The following BMS1 variants were observed in gnomAD, a reference collection of about 807,000 sequenced individuals.
BMS1 encodes the protein ribosome biogenesis protein BMS1 homolog.
In BMS1, 53 loss-of-function variants were observed where a neutral mutation model predicts 138.7. That is an observed-to-expected ratio of 0.38 (90% confidence interval 0.31 to 0.48). BMS1 has a LOEUF of 0.48. BMS1 is among the 20% of genes least tolerant of loss of function. The pLI is 0.97. For synonymous variants in BMS1, 504 were observed against 539.9 expected (o/e 0.93, Z 0.92); for missense variants, 1,360 against 1,565.5 (o/e 0.87, Z 2.22).
rs183696599 is a variant in BMS1 at position 42,795,699 on chromosome 10, A to G, written c.1230-775A>G. ...TTCAAATTTATGTTTTCTTAATTTT[A>G]TATATCTTGCTACATTAAATAGCTT... On this transcript the variant is annotated intron_variant, in intron 9 of 22. Transcript: ENST00000374518. Among the ~76,000 whole-genome samples, 233 of 152,236 alleles carry G rather than the reference A, an allele frequency of 1.5e-3. 4 individuals carry two copies. The highest frequency in any genetic ancestry group is 1.6e-3 in the Non-Finnish European group (106 of 68,004).
chr10:42,792,127 C>T (rs993701890), intron 6 of BMS1, among the ~76,000 whole-genome samples: 6 of 152,122 alleles, frequency 3.9e-5, no homozygotes, highest in African/African-American at 1.4e-4. Context: ...GTGGTTTTCT[C>T]AGCCTGGAAT....
At chr10:42,786,142 C>G (rs1841321433) in intron 3 of BMS1, among the ~76,000 whole-genome samples, 1 of 152,230 alleles carries the variant, frequency 6.6e-6, no homozygotes, top group Non-Finnish European at 1.5e-5. Context: ...AAGGGCCTAG[C>G]AGGCCTAGTC....
At chr10:42,791,028 CT>C (rs1485019439) in intron 5 of BMS1, among the ~76,000 whole-genome samples, 4 of 151,554 alleles carry the variant, frequency 2.6e-5, no homozygotes, top group Non-Finnish European at 4.4e-5. Context: ...CTGCTGAATT[CT>C]TTTGTGTGTG....
chr10:42,821,660 C>T, intron 18 of BMS1, among the ~76,000 whole-genome samples: 1 of 140,746 alleles, frequency 7.1e-6, no homozygotes, highest in East Asian at 2.3e-4. Context: ...TTAAGCGGTT[C>T]TCCTGCCTTA....
At chr10:42,785,399 G>A in intron 2 of BMS1, 83 bp from the exon 3 acceptor site, 1 of 1,281,156 alleles carries the variant, frequency 7.8e-7, no homozygotes, top group Non-Finnish European at 1.1e-6. Context: ...TACCAAAAAA[G>A]TCTACTTATA....
At chr10:42,784,037 T>A (rs867501144) in intron 1 of BMS1, among the ~76,000 whole-genome samples, 8 of 152,320 alleles carry the variant, frequency 5.3e-5, no homozygotes, top group African/African-American at 1.9e-4. Flanking sequence ...AGTAACCACA[T>A]GTGGCTAATG....
chr10:42,796,880 G>C lies in BMS1; in HGVS notation c.1636G>C (p.Gly546Arg). ...TTCAGGATCAAAGGCTGCTGGAGAA[G>C]GTAGTAAAGCAGGGCTGTCACCAGC... is the stretch of plus-strand genomic sequence containing the variant. ...GISGSKAAGE[G>R]SKAGLSPANC... Residue 546 changes from glycine to arginine, a missense_variant, in exon 10 of 23, where the codon GGT becomes CGT. Coordinates refer to ENST00000374518, the MANE Select transcript of BMS1 (RefSeq NM_014753.4). 6.2e-7 allele frequency: 1 copy of C among 1,614,198 alleles called. No individual in the cohort carries two copies.
Position 42,823,596 on chromosome 10 carries a change from C to T in BMS1, c.3281-13C>T, listed in dbSNP as rs753057803. ...CTTTTGAAAATGTTAAAGTAAATTA[C>T]CTCTCTTTTCAGATATTGTCTTCAT... On this transcript the variant is annotated splice_polypyrimidine_tract_variant and intron_variant, in intron 20 of 22. Coordinates refer to ENST00000374518, the MANE Select transcript of BMS1 (RefSeq NM_014753.4). The T allele has an allele frequency of 6.6e-7, 1 of 1,507,160 alleles. No homozygotes were observed. The highest frequency in any genetic ancestry group is 8.8e-7 in the Non-Finnish European group (1 of 1,135,842). 93.4% of individuals were successfully genotyped at this position (1,507,160 alleles called of 1,614,324 possible).
In BMS1 at chr10:42,802,218, G is replaced by A; in HGVS notation, c.2329G>A (p.Glu777Lys). The A allele has an allele frequency of 6.2e-7, 1 of 1,612,560 alleles. No individual in the cohort carries two copies. The highest frequency in any genetic ancestry group is 1.7e-5 in the Admixed American group (1 of 59,912). The change falls in exon 13 of 23, where the codon GAG (glutamate) becomes AAG (lysine). Residue 777 changes from glutamate to lysine, a missense_variant and splice_region_variant. Transcript: ENST00000374518. The part of the protein sequence containing the change: ...KDAAKVLAED[E>K]ELYGDFEDLE... ...TGCAGCCAAGGTCTTAGCAGAAGAT[G>A]GTAAGTAAAGAGCTGGGTTCTTCAG...
chr10:42,834,137 C>T lies in BMS1; in HGVS notation c.*3041C>T, dbSNP rs1318975301. ...ATAGGTGCTAGGTATGTTTTGAAAA[C>T]ATATTGAACCTACAGTGTACATATC... On this transcript the variant is annotated 3_prime_UTR_variant, in exon 23 of 23. Transcript: ENST00000374518. 3 of 152,276 alleles carry T rather than the reference C, an allele frequency of 2.0e-5. No individual in the cohort carries two copies. In the East Asian group the frequency reaches 5.8e-4, roughly 29 times the overall value. 9.4% of individuals were successfully genotyped at this position (152,276 alleles called of 1,614,324 possible). A position where few individuals can be genotyped will look rare whatever the true frequency, so the allele number is the denominator to read the frequency against.
In BMS1 at chr10:42,796,633, G is replaced by A. The variant is rs780881675; in HGVS notation, c.1389G>A (p.Glu463=). 1 of 1,614,166 alleles carries A rather than the reference G, an allele frequency of 6.2e-7. No homozygotes were observed. Among genetic ancestry groups the A allele is most frequent in the East Asian group, 2.2e-5 (1 of 44,888 alleles). ...DDGLENGSSD[E]EAEEEENAEM... is the part of the protein sequence containing the mutation. ...GGTTGGAAAACGGCTCTAGTGATGA[G>A]GAAGCAGAAGAGGAGGAAAATGCTG... The change falls in exon 10 of 23, where the codon GAG becomes GAA. Residue 463 remains glutamate (E), a synonymous_variant. Transcript: ENST00000374518.
intron 3 of BMS1, among the ~76,000 whole-genome samples, chr10:42,786,385 G>C (rs1841330884): frequency 6.6e-6 from 1 of 152,054 alleles, no homozygotes; most frequent in Non-Finnish European, 1.5e-5. Context: ...AATATAGTTG[G>C]ATTGAGGCTT....
At chr10:42,803,331 G>A (rs1258849918) in intron 13 of BMS1, among the ~76,000 whole-genome samples, 1 of 152,050 alleles carries the variant, frequency 6.6e-6, no homozygotes, top group Non-Finnish European at 1.5e-5. Context: ...TACAGATGGG[G>A]GTCTTGCCAT....
At chr10:42,829,423 C>T (rs1842741877) in intron 21 of BMS1, among the ~76,000 whole-genome samples, 1 of 152,186 alleles carries the variant, frequency 6.6e-6, no homozygotes, top group African/African-American at 2.4e-5. Flanking sequence ...CTTCTTTTAG[C>T]CATCCTTCCA....
At position 42,798,605 on chromosome 10, in the gene BMS1, C is replaced by T; in HGVS notation, c.2227C>T (p.His743Tyr). 1 of 1,614,240 alleles carries T rather than the reference C, an allele frequency of 6.2e-7. No homozygotes were observed. ...DCSRFLVEAP[H>Y]DWDLEEVMNS... is the part of the protein sequence containing the mutation. ...CTCCAGATTTCTTGTGGAGGCCCCC[C>T]ATGACTGGGATTTAGAGGAGGTAAG... The change falls in exon 12 of 23, where the codon CAT (histidine) becomes TAT (tyrosine). Residue 743 changes from histidine (H) to tyrosine (Y), a missense_variant. His to Tyr is a moderately conservative substitution (Grantham distance 83). Around this residue, in one of 3 missense-constraint regions of BMS1, gnomAD observed 697 missense variants for 686.2 expected, o/e 1.02. Transcript: ENST00000374518.
chr10:42,805,343 T>C (rs948670287), intron 13 of BMS1, among the ~76,000 whole-genome samples: 3 of 152,224 alleles, frequency 2.0e-5, no homozygotes, highest in Non-Finnish European at 4.4e-5. Flanking sequence ...TGTTTATTTT[T>C]GTACCAATAC....
chr10:42,826,317 G>T (rs1842643833), intron 21 of BMS1, among the ~76,000 whole-genome samples: 1 of 151,180 alleles, frequency 6.6e-6, no homozygotes, highest in South Asian at 2.1e-4. Context: ...ATACTGGCCT[G>T]GTAAAATGTG....
intron 6 of BMS1, among the ~76,000 whole-genome samples, 199 bp downstream of exon 6, chr10:42,791,968 G>GA (rs1027700084): frequency 2.0e-5 from 3 of 152,190 alleles, no homozygotes; most frequent in Admixed American, 1.3e-4. Context: ...AGATGTTAAG[G>GA]AAAATGGGAG....
At chr10:42,817,113 C>A (rs1445714383) in intron 14 of BMS1, among the ~76,000 whole-genome samples, 1 of 152,136 alleles carries the variant, frequency 6.6e-6, no homozygotes, top group Admixed American at 6.5e-5. Flanking sequence ...GGATTAGCAG[C>A]TAATTGTAAT....
Sources: gnomAD v4.1 joint callset for allele counts (sites outside exome capture counted in the v4.1 genomes callset) on GRCh38, gnomAD v4.1.1 for gene constraint, gnomAD v4.1.1 regional missense constraint, MANE v1.5 for transcripts, NCBI Gene and HGNC (gene_info 2026-07-23, HGNC 2026-07-21) for gene names.